The following GRIA1 variants were observed in gnomAD, a reference collection of about 807,000 sequenced individuals.
GRIA1 encodes glutamate receptor 1.
Under a neutral mutation model 99.2 loss-of-function variants are expected in GRIA1, and 31 were observed. The ratio of observed to expected loss-of-function variants is 0.31; its 90% CI spans 0.23 to 0.42. The LOEUF (loss-of-function observed/expected upper bound fraction) is 0.42, where lower values mean the gene tolerates loss of function less well. Ranked by LOEUF, GRIA1 falls within the 10% of genes least tolerant of loss-of-function variation. The pLI is 1.00. For synonymous variants in GRIA1, 438 were observed against 432.4 expected (o/e 1.01, Z -0.16); for missense variants, 782 against 1,157.5 (o/e 0.68, Z 4.71).
intron 2 of GRIA1, among the ~76,000 whole-genome samples, chr5:153,635,594 T>C (rs1753289998): frequency 6.6e-6 from 1 of 152,158 alleles, no homozygotes; most frequent in Admixed American, 6.5e-5. Context: ...CTGTGGCCCC[T>C]GAACCTAACC....
chr5:153,527,087 A>C (rs967023491), intron 2 of GRIA1, among the ~76,000 whole-genome samples: 1 of 152,148 alleles, frequency 6.6e-6, no homozygotes, highest in Non-Finnish European at 1.5e-5. Flanking sequence ...GGCTCTTCCA[A>C]ATTTAATCCA....
rs1756360746 is a variant in GRIA1, at chr5:153,513,996, C to T, written c.220+19931C>T. 1.3e-5 allele frequency among the ~76,000 whole-genome samples: 2 copies of T among 152,160 alleles called. 1 individual carries two copies. Among genetic ancestry groups the T allele is most frequent in the Admixed American group, 1.3e-4 (2 of 15,278 alleles). ...GTTCAACACCATTTTGCAGTCTCCC[C>T]CAAACACCCTGCTGCAACACACCTC... On this transcript the variant is annotated intron_variant, in intron 2 of 15. Coordinates refer to ENST00000285900, the MANE Select transcript of GRIA1 (RefSeq NM_000827.4).
intron 11 of GRIA1, among the ~76,000 whole-genome samples, chr5:153,754,403 G>A (rs754176876): frequency 2.6e-5 from 4 of 152,140 alleles, no homozygotes; most frequent in Non-Finnish European, 5.9e-5. Flanking sequence ...CTTTGGTATC[G>A]TCATTCAGTA....
At chr5:153,725,759 G>A (rs1261663787) in intron 11 of GRIA1, among the ~76,000 whole-genome samples, 1 of 128,062 alleles carries the variant, frequency 7.8e-6, no homozygotes. Flanking sequence ...AGTGACCTAT[G>A]AAGAGACTTA....
intron 11 of GRIA1, among the ~76,000 whole-genome samples, chr5:153,707,697 T>C (rs1759015034): frequency 6.6e-6 from 1 of 152,158 alleles, no homozygotes; most frequent in Admixed American, 6.5e-5. Context: ...CCAATATTCC[T>C]AAGCGGCAAT....
At position 153,685,413 on chromosome 5, in the gene GRIA1, C is replaced by T. The variant is rs184695563; in HGVS notation, c.1030-812C>T. On this transcript the variant is annotated intron_variant, in intron 7 of 15. Coordinates refer to ENST00000285900, the MANE Select transcript of GRIA1 (RefSeq NM_000827.4). The stretch of plus-strand genomic sequence containing the variant: ...AGAAGGCCATGAAAGTTTGATTTTG[C>T]CCATTTGTGGAGAAGTCTCATGCGG... Among the ~76,000 whole-genome samples, 12 of 152,266 alleles carry T rather than the reference C, an allele frequency of 7.9e-5. No individual in the cohort carries two copies. In the East Asian group the frequency reaches 1.7e-3, roughly 22 times the overall value.
In GRIA1 at chr5:153,646,910, C is replaced by T; in HGVS notation, c.221-18C>T. 1 of 1,612,302 alleles carries T rather than the reference C, an allele frequency of 6.2e-7. No homozygotes were observed. Among genetic ancestry groups the T allele is most frequent in the Non-Finnish European group, 8.5e-7 (1 of 1,178,970 alleles). The stretch of plus-strand genomic sequence containing the variant: ...TTTTTGCAGTCTTCTATTCATTAAT[C>T]CTTCTCTTCTCTTGTAGTCTGTTCC... On this transcript the variant is annotated intron_variant, in intron 2 of 15. Coordinates refer to ENST00000285900, the MANE Select transcript of GRIA1 (RefSeq NM_000827.4).
chr5:153,810,464 A>G (rs1057112255), intron 15 of GRIA1, among the ~76,000 whole-genome samples: 2 of 152,262 alleles, frequency 1.3e-5, no homozygotes, highest in Non-Finnish European at 2.9e-5. Flanking sequence ...ACCAAACAAT[A>G]TCACATCCTC....
chr5:153,794,959 C>G (rs1765554813), intron 14 of GRIA1, among the ~76,000 whole-genome samples: 1 of 152,164 alleles, frequency 6.6e-6, no homozygotes, highest in African/African-American at 2.4e-5. Flanking sequence ...CCCCAGGACC[C>G]CAGCATCTGC....
intron 11 of GRIA1, among the ~76,000 whole-genome samples, chr5:153,721,297 A>G (rs574949743): frequency 6.6e-6 from 1 of 152,328 alleles, no homozygotes; most frequent in East Asian, 1.9e-4. Context: ...AAAGGTATAG[A>G]TAGGAGTGAA....
At chr5:153,749,398 G>A (rs1762367272) in intron 11 of GRIA1, among the ~76,000 whole-genome samples, 1 of 152,086 alleles carries the variant, frequency 6.6e-6, no homozygotes, top group Non-Finnish European at 1.5e-5. Context: ...AGTTTATTTA[G>A]CTCACGTTTC....
At chr5:153,679,142 C>T (rs779981250) in intron 7 of GRIA1, among the ~76,000 whole-genome samples, 4 of 152,138 alleles carry the variant, frequency 2.6e-5, no homozygotes, top group Non-Finnish European at 5.9e-5. Flanking sequence ...TGCCCTTCAT[C>T]AGCTGTTCTT....
intron 2 of GRIA1, among the ~76,000 whole-genome samples, chr5:153,623,565 C>G (rs141101663): frequency 1.1e-3 from 160 of 152,306 alleles, no homozygotes; most frequent in African/African-American, 3.6e-3. Flanking sequence ...ATTGGTCTTA[C>G]TAAGAGACTA....
At chr5:153,709,961 C>T (rs566404260) in intron 11 of GRIA1, among the ~76,000 whole-genome samples, 4 of 152,278 alleles carry the variant, frequency 2.6e-5, no homozygotes, top group African/African-American at 7.2e-5. Flanking sequence ...GTTTTCTGCA[C>T]TGGCACCAGG....
chr5:153,617,282 C>T (rs1343730087), intron 2 of GRIA1, among the ~76,000 whole-genome samples: 1 of 152,130 alleles, frequency 6.6e-6, no homozygotes, highest in African/African-American at 2.4e-5. Flanking sequence ...AATAAATGGT[C>T]CAGTGTATGT....
chr5:153,712,486 G>C (rs1358071905), intron 11 of GRIA1, among the ~76,000 whole-genome samples: 3 of 152,152 alleles, frequency 2.0e-5, no homozygotes, highest in Non-Finnish European at 4.4e-5. Context: ...TTGGCACTGA[G>C]AGTCTATGAG....
chr5:153,710,658 G>A (rs959565525), intron 11 of GRIA1, among the ~76,000 whole-genome samples: 26 of 152,212 alleles, frequency 1.7e-4, no homozygotes, highest in African/African-American at 6.3e-4. Context: ...GTGTGGTCAA[G>A]ATCATTCATT....
At chr5:153,675,634 T>C (rs1054995182) in intron 6 of GRIA1, among the ~76,000 whole-genome samples, 23 of 152,236 alleles carry the variant, frequency 1.5e-4, no homozygotes, top group Non-Finnish European at 2.9e-5. Context: ...TTTCTTTTTA[T>C]AAATGGCAAA....
chr5:153,750,393 A>G (rs1187902540), intron 11 of GRIA1, among the ~76,000 whole-genome samples: 8 of 152,128 alleles, frequency 5.3e-5, no homozygotes, highest in African/African-American at 1.9e-4. Flanking sequence ...GCACTCAGTG[A>G]CCTCTTGAGC....
Sources: gnomAD v4.1 joint callset for allele counts (sites outside exome capture counted in the v4.1 genomes callset) on GRCh38, gnomAD v4.1.1 for gene constraint, MANE v1.5 for transcripts, NCBI Gene and HGNC (gene_info 2026-07-23, HGNC 2026-07-21) for gene names.